The following ADAMTSL1 variants were observed in gnomAD, a reference collection of about 807,000 sequenced individuals.
ADAMTSL1 encodes the protein ADAMTS like 1, also known as ADAMTS-like protein 1.
In ADAMTSL1, 126 loss-of-function variants were observed where a neutral mutation model predicts 201.8. The ratio of observed to expected loss-of-function variants is 0.62; its 90% CI spans 0.54 to 0.72. The LOEUF (loss-of-function observed/expected upper bound fraction) is 0.72, where lower values mean the gene tolerates loss of function less well. Ranked by LOEUF, ADAMTSL1 falls within the 30% of genes least tolerant of loss-of-function variation. The pLI is 0.00. For missense variants in ADAMTSL1, 2,679 were observed against 2,277.8 expected (o/e 1.18, Z -3.59); for synonymous variants, 1,121 against 903.4 (o/e 1.24, Z -4.32).
At chr9:18,246,184 C>A (rs550459926) in intron 2 of ADAMTSL1, among the ~76,000 whole-genome samples, 2 of 152,184 alleles carry the variant, frequency 1.3e-5, no homozygotes, top group African/African-American at 4.8e-5. Context: ...AATGTAATTT[C>A]TTCTCTTGCT....
intron 2 of ADAMTSL1, among the ~76,000 whole-genome samples, chr9:18,258,309 T>C (rs534861317): frequency 1.3e-5 from 2 of 152,238 alleles, no homozygotes; most frequent in East Asian, 1.9e-4. Context: ...CAAGGTGATA[T>C]GCTAGTATGC....
At chr9:18,298,438 A>G (rs552216496) in intron 2 of ADAMTSL1, among the ~76,000 whole-genome samples, 22 of 152,282 alleles carry the variant, frequency 1.4e-4, no homozygotes, top group South Asian at 2.1e-4. Context: ...AGCAGTAACT[A>G]TGTGGCACAA....
At chr9:18,069,803 G>A (rs776270938) in intron 1 of ADAMTSL1, among the ~76,000 whole-genome samples, 1 of 152,158 alleles carries the variant, frequency 6.6e-6, no homozygotes, top group Non-Finnish European at 1.5e-5. Flanking sequence ...AAGATCAGGA[G>A]GTCTCTAAAC....
At chr9:18,065,751 C>T (rs1427914797) in intron 1 of ADAMTSL1, among the ~76,000 whole-genome samples, 6 of 151,968 alleles carry the variant, frequency 3.9e-5, no homozygotes, top group African/African-American at 7.3e-5. Context: ...GAGGCCGAGG[C>T]GGGTGGATCA....
At chr9:18,846,611 A>T (rs1312525922) in intron 23 of ADAMTSL1, among the ~76,000 whole-genome samples, 1 of 152,212 alleles carries the variant, frequency 6.6e-6, no homozygotes, top group Non-Finnish European at 1.5e-5. Flanking sequence ...GAGGTTGTCT[A>T]ACTTGCGTTT....
chr9:18,433,003 T>G (rs1329156935), intron 2 of ADAMTSL1, among the ~76,000 whole-genome samples: 1 of 152,186 alleles, frequency 6.6e-6, no homozygotes, highest in Non-Finnish European at 1.5e-5. Flanking sequence ...AGGATTAGAA[T>G]GAAAACATTT....
intron 1 of ADAMTSL1, among the ~76,000 whole-genome samples, chr9:18,041,384 A>G (rs1007579314): frequency 6.6e-6 from 1 of 152,188 alleles, no homozygotes; most frequent in Admixed American, 6.5e-5. Context: ...AGATGCTTAA[A>G]ATAGAAAAGT....
At chr9:17,997,729 A>G (rs574693333) in intron 1 of ADAMTSL1, among the ~76,000 whole-genome samples, 2 of 152,204 alleles carry the variant, frequency 1.3e-5, no homozygotes, top group South Asian at 4.1e-4. Context: ...TCTTTTGAAG[A>G]TCACACATGT....
At chr9:18,870,361 A>G (rs1427112782) in intron 23 of ADAMTSL1, among the ~76,000 whole-genome samples, 1 of 152,188 alleles carries the variant, frequency 6.6e-6, no homozygotes, top group Non-Finnish European at 1.5e-5. Flanking sequence ...TCTGAAGAAC[A>G]TTTATTTTTG....
intron 1 of ADAMTSL1, among the ~76,000 whole-genome samples, chr9:18,020,943 A>C (rs149199861): frequency 6.6e-6 from 1 of 152,228 alleles, no homozygotes; most frequent in African/African-American, 2.4e-5. Flanking sequence ...TATAACTTCA[A>C]TGCCACCCTT....
At position 17,959,229 on chromosome 9, in the gene ADAMTSL1, A is replaced by T. The variant is rs143043454; in HGVS notation, c.87+52307A>T. 2.6e-5 allele frequency among the ~76,000 whole-genome samples: 4 copies of T among 152,250 alleles called. No homozygotes were observed. In the East Asian group the frequency reaches 7.7e-4, roughly 29 times the overall value. On this transcript the variant is annotated intron_variant, in intron 1 of 29. Coordinates refer to the ADAMTSL1 transcript ENST00000680146. Reference sequence around the variant, plus strand: ...CCTAGAATTTGGCTGAACAGCATTTAGATGTTATTTGATTAATGTCATTTG... The same window carrying T: ...CCTAGAATTTGGCTGAACAGCATTTTGATGTTATTTGATTAATGTCATTTG...
chr9:17,919,054 A>G (rs1826205558), intron 1 of ADAMTSL1, among the ~76,000 whole-genome samples: 1 of 151,812 alleles, frequency 6.6e-6, no homozygotes, highest in African/African-American at 2.4e-5. Flanking sequence ...CTCACACTGT[A>G]CCTTTAATGT....
intron 2 of ADAMTSL1, among the ~76,000 whole-genome samples, chr9:18,345,643 A>G (rs1280022935): frequency 1.3e-5 from 2 of 152,158 alleles, no homozygotes; most frequent in Admixed American, 6.5e-5. Context: ...TAAAATTAAG[A>G]TATTTTGTGG....
chr9:18,090,679 G>T (rs1189774906), intron 1 of ADAMTSL1, among the ~76,000 whole-genome samples: 2 of 152,078 alleles, frequency 1.3e-5, no homozygotes, highest in East Asian at 1.9e-4. Context: ...TGGCGGCAAT[G>T]GTTACAACAA....
chr9:18,094,360 C>T (rs919100310), intron 1 of ADAMTSL1, among the ~76,000 whole-genome samples: 1 of 152,188 alleles, frequency 6.6e-6, no homozygotes, highest in Non-Finnish European at 1.5e-5. Flanking sequence ...ATATATACTA[C>T]CACTGTGTGG....
At chr9:18,472,645 C>G (rs899982583), upstream of ADAMTSL1, among the ~76,000 whole-genome samples, 9 of 152,204 alleles carry the variant, frequency 5.9e-5, no homozygotes, top group African/African-American at 1.9e-4. Context: ...ATAGGCAGAC[C>G]TGCCTGTATT....
chr9:18,438,569 G>A lies in ADAMTSL1; in HGVS notation c.208-66260G>A, dbSNP rs549609107. Among the ~76,000 whole-genome samples the A allele has an allele frequency of 7.3e-4, 111 of 152,254 alleles. 2 individuals carry two copies. The South Asian group carries it at 0.022, about 31-fold the overall frequency. ...CCCCATCCCCTTGCTCGGGTTTCAA[G>A]CGTGTCCCTTCCCGCACTGCCCTCT... On this transcript the variant is annotated intron_variant, in intron 2 of 29. Transcript: ENST00000680146.
chr9:18,762,221 G>A (rs1171481790), intron 16 of ADAMTSL1, among the ~76,000 whole-genome samples: 6 of 152,038 alleles, frequency 3.9e-5, no homozygotes, highest in Non-Finnish European at 5.9e-5. Flanking sequence ...GGAAAATAGC[G>A]GGCACATAAA....
chr9:18,201,995 T>A (rs1301375149), intron 2 of ADAMTSL1, among the ~76,000 whole-genome samples: 7 of 152,198 alleles, frequency 4.6e-5, no homozygotes, highest in African/African-American at 1.4e-4. Flanking sequence ...CTAAATACAC[T>A]ATTTTATAAG....
Sources: gnomAD v4.1 joint callset for allele counts (sites outside exome capture counted in the v4.1 genomes callset) on GRCh38, gnomAD v4.1.1 for gene constraint, MANE v1.5 for transcripts, NCBI Gene and HGNC (gene_info 2026-07-23, HGNC 2026-07-21) for gene names.